The following LRRK1 variants were observed in gnomAD, a reference collection of about 807,000 sequenced individuals.
LRRK1 encodes the protein leucine-rich repeat serine/threonine-protein kinase 1.
In LRRK1, 113 loss-of-function variants were observed where a neutral mutation model predicts 209.1. That is an observed-to-expected ratio of 0.54 (90% CI 0.46 to 0.63). LRRK1 has a LOEUF of 0.63. Among genes scored for constraint, LRRK1 ranks in the 30% least tolerant of loss-of-function variants. The probability of loss-of-function intolerance (pLI) is 0.00; values close to 1 mark genes in which losing one functional copy is unlikely to be tolerated. For synonymous variants in LRRK1, 1,144 were observed against 1,099.7 expected (o/e 1.04, Z -0.80); for missense variants, 2,284 against 2,632.2 (o/e 0.87, Z 2.89).
chr15:101,038,441 A>C (rs1196085394), intron 20 of LRRK1, among the ~76,000 whole-genome samples: 2 of 152,174 alleles, frequency 1.3e-5, no homozygotes, highest in Admixed American at 1.3e-4. Context: ...TGAGACCTAG[A>C]GTGAGCACCC....
At chr15:100,960,149 G>A (rs961504865) in intron 2 of LRRK1, among the ~76,000 whole-genome samples, 1 of 152,052 alleles carries the variant, frequency 6.6e-6, no homozygotes, top group East Asian at 1.9e-4. Context: ...CAGAGTTATC[G>A]TTTTGGGGGC....
rs1567270205 is a variant in LRRK1 at position 101,052,308 on chromosome 15, C to G, written c.3689+348C>G. Among the ~76,000 whole-genome samples the G allele has an allele frequency of 4.6e-5, 7 of 152,198 alleles. No homozygotes were observed. The South Asian group carries it at 1.4e-3, about 32-fold the overall frequency. On this transcript the variant is annotated intron_variant, in intron 24 of 33. Transcript: ENST00000388948. ...TCCTACCTCCCCACCAGCTCTAGGG[C>G]CAGCAGATAAGTGCAGCCAGTGCTC... is the stretch of plus-strand genomic sequence containing the variant.
intron 27 of LRRK1, among the ~76,000 whole-genome samples, chr15:101,056,427 CGATG>C (rs2141143121): frequency 6.7e-6 from 1 of 150,032 alleles, no homozygotes; most frequent in Admixed American, 7.4e-5. Flanking sequence ...AAGGATGGAT[CGATG>C]GATAGATGGA....
chr15:100,950,293 G>A (rs1019039760), intron 2 of LRRK1, among the ~76,000 whole-genome samples: 8 of 152,098 alleles, frequency 5.3e-5, no homozygotes, highest in Admixed American at 2.0e-4. Context: ...CAAAAGAAGC[G>A]TAAGATTTAT....
chr15:100,922,004 C>A (rs916976611), intron 1 of LRRK1, among the ~76,000 whole-genome samples: 4 of 152,208 alleles, frequency 2.6e-5, no homozygotes, highest in Non-Finnish European at 5.9e-5. Context: ...AAGCGTGAAC[C>A]ACCGCACCCA....
chr15:100,971,967 ATT>A (rs35045867), intron 2 of LRRK1, among the ~76,000 whole-genome samples: 1 of 147,304 alleles, frequency 6.8e-6, no homozygotes. Context: ...TGACAAAAGA[ATT>A]TTTTTTTTTT....
chr15:101,038,254 A>G (rs1159124600), intron 20 of LRRK1, among the ~76,000 whole-genome samples: 1 of 152,224 alleles, frequency 6.6e-6, no homozygotes, highest in East Asian at 1.9e-4. Context: ...AAAAAACTAC[A>G]CATCAGGTAC....
chr15:101,005,623 T>C (rs2032909752), intron 6 of LRRK1, among the ~76,000 whole-genome samples: 1 of 152,194 alleles, frequency 6.6e-6, no homozygotes, highest in South Asian at 2.1e-4. Context: ...CTCAAGGGAA[T>C]CAAGGCCTGG....
Position 101,065,868 on chromosome 15 carries a change from G to A in LRRK1, c.5431G>A (p.Asp1811Asn). The stretch of plus-strand genomic sequence containing the variant: ...GGCCAACCCAAAGGTGCCTGAGGGG[G>A]ACTCCATCGCGGACGTGAGCATCAT... ...HTANPKVPEG[D>N]SIADVSIMYS... is the part of the protein sequence containing the mutation. Residue 1811 changes from aspartate to asparagine, a missense_variant, in exon 32 of 34, where the codon GAC becomes AAC. Asp to Asn is a conservative substitution (Grantham distance 23). This residue lies in a region of LRRK1 where 643 missense variants were observed against 695.9 expected (regional missense o/e 0.92). Transcript: ENST00000388948. The A allele has an allele frequency of 4.3e-6, 7 of 1,614,146 alleles. No individual in the cohort carries two copies. The highest frequency in any genetic ancestry group is 5.9e-6 in the Non-Finnish European group (7 of 1,180,024).
At chr15:100,930,344 T>A (rs759336724) in intron 2 of LRRK1, among the ~76,000 whole-genome samples, 1 of 152,208 alleles carries the variant, frequency 6.6e-6, no homozygotes, top group African/African-American at 2.4e-5. Flanking sequence ...CTTCTCAGTC[T>A]GTCTGTGGGC....
At chr15:101,014,522 G>A in intron 11 of LRRK1, 94 bp downstream of exon 11, 1 of 836,284 alleles carries the variant, frequency 1.2e-6, no homozygotes, top group South Asian at 1.5e-5. Context: ...GAGTCTGCGA[G>A]GGCTGCTGAG....
chr15:100,975,025 A>G (rs948282920), intron 3 of LRRK1, among the ~76,000 whole-genome samples: 13 of 152,246 alleles, frequency 8.5e-5, no homozygotes, highest in Admixed American at 7.2e-4. Context: ...AGAGATTGGG[A>G]GAGGGGCAGT....
At chr15:101,059,193 C>A (rs2036005909) in intron 29 of LRRK1, among the ~76,000 whole-genome samples, 1 of 152,002 alleles carries the variant, frequency 6.6e-6, no homozygotes, top group Non-Finnish European at 1.5e-5. Flanking sequence ...AGTTTGAGAC[C>A]AGTCTAGGAA....
At chr15:100,968,841 G>C (rs1596213866) in intron 2 of LRRK1, among the ~76,000 whole-genome samples, 1 of 116,924 alleles carries the variant, frequency 8.6e-6, no homozygotes, top group Non-Finnish European at 1.7e-5. Flanking sequence ...CCTTCCTTCT[G>C]TTTTGTTTTT....
intron 6 of LRRK1, among the ~76,000 whole-genome samples, chr15:101,007,083 G>A (rs1054673958): frequency 6.6e-6 from 1 of 152,216 alleles, no homozygotes. Context: ...AGGGGCGTAG[G>A]CCCAGTCTTT....
Position 101,065,770 on chromosome 15 carries a change from G to C in LRRK1, c.5333G>C (p.Gly1778Ala). Residue 1778 changes from glycine to alanine, a missense_variant, in exon 32 of 34, where the codon GGG becomes GCG. Around this residue, in one of 6 missense-constraint regions of LRRK1, gnomAD observed 643 missense variants for 695.9 expected, o/e 0.92. Coordinates refer to ENST00000388948, the MANE Select transcript of LRRK1 (RefSeq NM_024652.6). ...TYQLCARYFCGVPSPLRDMFP... is the reference protein window; with the variant it reads ...TYQLCARYFCAVPSPLRDMFP... The stretch of plus-strand genomic sequence containing the variant: ...CAGCTGTGTGCCCGGTACTTCTGCG[G>C]GGTCCCCAGCCCCCTCAGGGACATG... The C allele has an allele frequency of 6.2e-7, 1 of 1,614,106 alleles. No homozygotes were observed. The highest frequency in any genetic ancestry group is 8.5e-7 in the Non-Finnish European group (1 of 1,180,026).
In LRRK1 at chr15:101,065,681, G is replaced by A. The variant is rs1237751145; in HGVS notation, c.5244G>A (p.Glu1748=). 6.2e-7 allele frequency: 1 copy of A among 1,614,142 alleles called. No homozygotes were observed. The highest frequency in any genetic ancestry group is 1.7e-5 in the Admixed American group (1 of 60,024). ...SVVCSSEGRG[E]EVVWCLDDKA... ...TGTGCAGCTCTGAGGGCAGAGGGGA[G>A]GAGGTCGTCTGGTGCCTGGATGACA... The change falls in exon 32 of 34, where the codon GAG becomes GAA. Residue 1748 remains glutamate, a synonymous_variant. Transcript: ENST00000388948.
intron 24 of LRRK1, 131 bp downstream of exon 24, chr15:101,052,091 A>C: frequency 9.7e-7 from 1 of 1,032,736 alleles, no homozygotes; most frequent in Non-Finnish European, 1.4e-6. Context: ...CTTCCCACCA[A>C]TCTCAGTACC....
chr15:100,959,461 G>A (rs543549506), intron 2 of LRRK1, among the ~76,000 whole-genome samples: 6 of 152,338 alleles, frequency 3.9e-5, no homozygotes, highest in Non-Finnish European at 7.3e-5. Flanking sequence ...TTTCTGGGGT[G>A]CACCCCTGCG....
Sources: allele counts gnomAD v4.1 joint callset (sites outside exome capture counted in the v4.1 genomes callset), GRCh38; gene constraint gnomAD v4.1.1; regional missense constraint gnomAD v4.1.1; transcripts MANE v1.5; gene names NCBI Gene and HGNC (gene_info 2026-07-23, HGNC 2026-07-21).